The following ERC1 variants were observed in gnomAD, a reference collection of about 807,000 sequenced individuals.
ERC1 encodes the protein RAB6 interacting protein 2.
Under a neutral mutation model 132.0 loss-of-function variants are expected in ERC1, and 56 were observed. The observed-to-expected ratio is 0.42, with a 90% CI of 0.34 to 0.53. The LOEUF (loss-of-function observed/expected upper bound fraction) is 0.53. Ranked by LOEUF, ERC1 falls within the 20% of genes least tolerant of loss-of-function variation. The probability of loss-of-function intolerance (pLI) is 0.03; values close to 1 mark genes in which losing one functional copy is unlikely to be tolerated. For synonymous variants in ERC1, 478 were observed against 476.1 expected (o/e 1.00, Z -0.05); for missense variants, 1,202 against 1,349.9 (o/e 0.89, Z 1.72).
intron 15 of ERC1, among the ~76,000 whole-genome samples, chr12:1,293,366 TAG>T (rs2079615875): frequency 1.6e-4 from 23 of 145,106 alleles, no homozygotes; most frequent in African/African-American, 5.6e-4. Flanking sequence ...GGCGGGAGAA[TAG>T]CATCAACCCA....
intron 15 of ERC1, among the ~76,000 whole-genome samples, chr12:1,333,168 A>C (rs2083013902): frequency 6.6e-6 from 1 of 150,854 alleles, no homozygotes; most frequent in African/African-American, 2.4e-5. Context: ...TGTTCTCATC[A>C]TTTAGCTACC....
At chr12:1,249,063 C>A (rs1267645103) in intron 13 of ERC1, among the ~76,000 whole-genome samples, 1 of 151,354 alleles carries the variant, frequency 6.6e-6, no homozygotes, top group East Asian at 1.9e-4. Flanking sequence ...TTTTTTTCTT[C>A]TTATTTTAAG....
intron 12 of ERC1, 192 bp downstream of exon 12, chr12:1,190,244 A>G (rs1360440760): frequency 1.4e-6 from 1 of 725,686 alleles, no homozygotes; most frequent in African/African-American, 1.7e-5. Context: ...GCAACATAGA[A>G]TGGGAATAAA....
intron 18 of ERC1, among the ~76,000 whole-genome samples, chr12:1,463,409 G>A (rs2093680038): frequency 6.6e-6 from 1 of 152,154 alleles, no homozygotes; most frequent in African/African-American, 2.4e-5. Flanking sequence ...GGAGAGAAAA[G>A]AACAAAGAAA....
At chr12:1,295,093 T>C (rs2079812829) in intron 15 of ERC1, among the ~76,000 whole-genome samples, 1 of 152,212 alleles carries the variant, frequency 6.6e-6, no homozygotes, top group Non-Finnish European at 1.5e-5. Flanking sequence ...ATGAAGTTGT[T>C]GTACGGATCA....
At chr12:1,124,326 T>C (rs893023236) in intron 7 of ERC1, among the ~76,000 whole-genome samples, 1 of 152,106 alleles carries the variant, frequency 6.6e-6, no homozygotes, top group Admixed American at 6.5e-5. Flanking sequence ...GATAGTAAAG[T>C]AGTAATAAAG....
intron 16 of ERC1, chr12:1,390,647 G>A (rs1258230227): frequency 1.3e-5 from 2 of 152,178 alleles, no homozygotes; most frequent in African/African-American, 2.4e-5. Flanking sequence ...CGGAGGTGGG[G>A]TTAGTTTAGT....
At chr12:1,037,905 T>G (rs947299479) in intron 2 of ERC1, among the ~76,000 whole-genome samples, 1 of 151,738 alleles carries the variant, frequency 6.6e-6, no homozygotes, top group Non-Finnish European at 1.5e-5. Flanking sequence ...TTAGCTGGGC[T>G]TGGTGGCGGG....
In ERC1 at chr12:1,490,437, T is replaced by C. The variant is rs2094307297; in HGVS notation, c.*207T>C. The C allele has an allele frequency of 1.8e-6, 1 of 562,414 alleles. No homozygotes were observed. Among genetic ancestry groups the C allele is most frequent in the Non-Finnish European group, 3.2e-6 (1 of 316,888 alleles). The allele number at this position is 562,414 out of a possible 1,614,324, so 34.8% of individuals were successfully genotyped here. ...TTTGGATGTGGTCTCTACACTAACC[T>C]TCTTGATGTCCAGGGTAGATAAAGG... On this transcript the variant is annotated 3_prime_UTR_variant, in exon 19 of 19. Transcript: ENST00000360905.
At chr12:1,443,201 A>G (rs2093209139) in intron 17 of ERC1, 1 of 152,110 alleles carries the variant, frequency 6.6e-6, no homozygotes, top group Non-Finnish European at 1.5e-5. Context: ...ACCCGGCCAA[A>G]TAATTACTTC....
intron 2 of ERC1, among the ~76,000 whole-genome samples, chr12:1,055,361 G>A (rs917335739): frequency 3.9e-5 from 6 of 152,044 alleles, no homozygotes; most frequent in Admixed American, 6.6e-5. Flanking sequence ...TGTATTTTTA[G>A]TAGAGATGGG....
chr12:1,363,543 C>CTTTTTTTTTTTTTTTTT (rs34769986), intron 15 of ERC1, among the ~76,000 whole-genome samples: 2 of 94,336 alleles, frequency 2.1e-5, no homozygotes, highest in African/African-American at 4.0e-5. Flanking sequence ...TATTTCTTTC[C>CTTTTTTTTTTTTTTTTT]TTTTTTTTTT....
chr12:1,021,346 C>A (rs953410997), intron 1 of ERC1, among the ~76,000 whole-genome samples: 1 of 152,116 alleles, frequency 6.6e-6, no homozygotes, highest in Non-Finnish European at 1.5e-5. Context: ...TGCAGCGGGC[C>A]ACTTTGCGGG....
At chr12:1,260,293 A>G (rs1030778436) in intron 13 of ERC1, among the ~76,000 whole-genome samples, 2 of 152,204 alleles carry the variant, frequency 1.3e-5, no homozygotes, top group African/African-American at 2.4e-5. Flanking sequence ...TAAAAACTCC[A>G]GTGTCTTCTG....
intron 12 of ERC1, among the ~76,000 whole-genome samples, chr12:1,206,675 T>C (rs78821868): frequency 0.013 from 2,011 of 152,212 alleles, 47 homozygotes; most frequent in African/African-American, 0.046. Flanking sequence ...GATGAAAATA[T>C]ATGATTTGGT....
At chr12:1,023,192 A>G (rs557911825) in intron 1 of ERC1, among the ~76,000 whole-genome samples, 28 of 152,306 alleles carry the variant, frequency 1.8e-4, no homozygotes, top group Non-Finnish European at 3.5e-4. Flanking sequence ...TAATTCAGGT[A>G]GGATAGGATG....
At chr12:1,418,660 TCTTTCTTTTCTTTC>T (rs2092282363) in intron 17 of ERC1, among the ~76,000 whole-genome samples, 1 of 128,358 alleles carries the variant, frequency 7.8e-6, no homozygotes, top group Non-Finnish European at 1.6e-5. Flanking sequence ...TCTCTCTCTC[TCTTTCTTTTCTTTC>T]TTTCTTTCTT....
chr12:1,197,581 G>A (rs1956454739), intron 12 of ERC1, among the ~76,000 whole-genome samples: 1 of 152,134 alleles, frequency 6.6e-6, no homozygotes, highest in African/African-American at 2.4e-5. Flanking sequence ...TTGCTGCTAG[G>A]GGCCAGTTTT....
chr12:1,223,039 G>T (rs530453345), intron 12 of ERC1, among the ~76,000 whole-genome samples: 1 of 152,220 alleles, frequency 6.6e-6, no homozygotes, highest in South Asian at 2.1e-4. Flanking sequence ...TCCTTTTTAC[G>T]CATTTGTTCA....
Sources: allele counts gnomAD v4.1 joint callset (sites outside exome capture counted in the v4.1 genomes callset), GRCh38; gene constraint gnomAD v4.1.1; transcripts MANE v1.5; gene names NCBI Gene and HGNC (gene_info 2026-07-23, HGNC 2026-07-21).